The following TATDN1 variants were observed in gnomAD, a reference collection of about 807,000 sequenced individuals.
The protein encoded by TATDN1 is TatD DNase domain containing 1, also known as deoxyribonuclease TATDN1.
A neutral mutation model predicts 46.4 loss-of-function variants in TATDN1; 40 were observed. That is an observed-to-expected ratio of 0.86 (90% CI 0.67 to 1.12). The LOEUF (loss-of-function observed/expected upper bound fraction) is 1.12. TATDN1 is among the 50% of genes most tolerant of loss of function. The pLI, the probability that TATDN1 is intolerant of heterozygous loss-of-function variation, is 0.00. For missense variants in TATDN1, 326 were observed against 348.4 expected, an observed-to-expected ratio of 0.94 and a Z score of 0.51; for synonymous variants, 95 against 105.6, an observed-to-expected ratio of 0.90 and a Z score of 0.62.
intron 1 of TATDN1, among the ~76,000 whole-genome samples, chr8:124,535,090 G>A (rs1821314631): frequency 6.6e-6 from 1 of 152,158 alleles, no homozygotes; most frequent in Non-Finnish European, 1.5e-5. Context: ...GGAGTGGGTG[G>A]GAGGGACTGA....
At chr8:124,519,939 T>A (rs1312441402) in intron 3 of TATDN1, among the ~76,000 whole-genome samples, 1 of 152,238 alleles carries the variant, frequency 6.6e-6, no homozygotes, top group African/African-American at 2.4e-5. Context: ...TATAATGATG[T>A]ATATTTTTGT....
At chr8:124,533,775 T>C (rs1286027231) in intron 1 of TATDN1, among the ~76,000 whole-genome samples, 1 of 151,906 alleles carries the variant, frequency 6.6e-6, no homozygotes, top group Non-Finnish European at 1.5e-5. Flanking sequence ...GTTCAGCCAG[T>C]TTAGGGGGCT....
intron 1 of TATDN1, among the ~76,000 whole-genome samples, chr8:124,532,083 G>A (rs533603107): frequency 6.6e-6 from 1 of 152,154 alleles, no homozygotes; most frequent in East Asian, 1.9e-4. Flanking sequence ...AAGAGCAAGG[G>A]GGGGAGGAGG....
chr8:124,489,156 A>G (rs1816693740), intron 11 of TATDN1: 3 of 156,220 alleles, frequency 1.9e-5, no homozygotes, highest in African/African-American at 7.2e-5. Context: ...GTACTGTGGG[A>G]CAGCAGCCAC....
intron 1 of TATDN1, among the ~76,000 whole-genome samples, chr8:124,532,175 A>G (rs1342675018): frequency 6.6e-6 from 1 of 152,142 alleles, no homozygotes; most frequent in Non-Finnish European, 1.5e-5. Flanking sequence ...TGCATCCACT[A>G]GGTGGTTGCC....
intron 1 of TATDN1, among the ~76,000 whole-genome samples, chr8:124,524,346 T>C (rs533065946): frequency 1.3e-5 from 2 of 152,328 alleles, no homozygotes; most frequent in Admixed American, 1.3e-4. Flanking sequence ...TATTAACATA[T>C]AAACATCATC....
In TATDN1 at chr8:124,522,965, T is replaced by G. The variant is rs1247716737; in HGVS notation, c.60A>C (p.Gly20=). 6.2e-7 allele frequency: 1 copy of G among 1,613,286 alleles called. No individual in the cohort carries two copies. Among genetic ancestry groups the G allele is most frequent in the Non-Finnish European group, 8.5e-7 (1 of 1,179,704 alleles). ...GATGCTTTTGAACCCCCCTATAAAT[T>G]CCTCTGAACATAGGGTCAGTCAAGT... ...GINLTDPMFR[G]IYRGVQKHQD... The change falls in exon 2 of 12, where the codon GGA becomes GGC. Residue 20 remains glycine, a synonymous_variant. Transcript: ENST00000276692.
chr8:124,525,908 CA>C (rs886848364), intron 1 of TATDN1, among the ~76,000 whole-genome samples: 9 of 152,228 alleles, frequency 5.9e-5, no homozygotes, highest in Admixed American at 5.9e-4. Context: ...TAGTGAGAAA[CA>C]AAAACCTTGG....
At chr8:124,538,985 A>T in intron 1 of TATDN1, 40 bp downstream of exon 1, 2 of 1,613,566 alleles carry the variant, frequency 1.2e-6, no homozygotes, top group Admixed American at 3.3e-5. Context: ...GCCCGGGACA[A>T]GTCAGAAAGA....
intron 11 of TATDN1, chr8:124,488,966 T>TA: frequency 2.7e-6 from 1 of 371,490 alleles, no homozygotes; most frequent in South Asian, 2.8e-5. Context: ...TCACCAATTA[T>TA]AGCATTAACT....
rs554778857 is a variant in TATDN1 at position 124,493,902 on chromosome 8, G to A, written c.722C>T (p.Ala241Val). Residue 241 changes from alanine to valine, a missense_variant, in exon 11 of 12, where the codon GCA becomes GTA. Physicochemically the swap from Ala to Val is moderately conservative, Grantham distance 64. Coordinates refer to ENST00000276692, the MANE Select transcript of TATDN1 (RefSeq NM_032026.4). Reference protein sequence around the residue: ...THAGSKYIRTAFPTKKKWESG... With the variant: ...THAGSKYIRTVFPTKKKWESG... ...TTCCCACTTCTTTTTGGTAGGAAAT[G>A]CAGTTCTTATATATTTTGATCCAGC... 7 of 1,612,474 alleles carry A rather than the reference G, an allele frequency of 4.3e-6. No homozygotes were observed. In the South Asian group the frequency reaches 6.6e-5, roughly 15 times the overall value.
chr8:124,495,207 C>T (rs190903894), intron 10 of TATDN1: 14 of 453,598 alleles, frequency 3.1e-5, no homozygotes, highest in African/African-American at 2.2e-4. Context: ...GCTAAGTACT[C>T]GTAACTACAA....
intron 9 of TATDN1, among the ~76,000 whole-genome samples, chr8:124,501,716 C>T (rs1303968632): frequency 2.0e-5 from 3 of 151,588 alleles, no homozygotes; most frequent in African/African-American, 4.9e-5. Context: ...AAAAAGAATA[C>T]GAGTTATCAG....
At chr8:124,502,362 G>A (rs1818048125) in intron 9 of TATDN1, among the ~76,000 whole-genome samples, 2 of 151,470 alleles carry the variant, frequency 1.3e-5, no homozygotes, top group African/African-American at 4.9e-5. Context: ...AAAAAAAGTG[G>A]GGTTCTCTCC....
chr8:124,515,934 G>T lies in TATDN1; in HGVS notation c.299C>A (p.Ala100Asp). Residue 100 changes from alanine to aspartate, a missense_variant, in exon 5 of 12, where the codon GCT becomes GAT. By Grantham distance (126) the Ala-to-Asp change is moderately radical. Coordinates refer to ENST00000276692, the MANE Select transcript of TATDN1 (RefSeq NM_032026.4). ...CACAACTTTCCCTTTATTGTTTTCA[G>T]CAAGATTTAGCAACTCCTTTAAGTA... ...DLYLKELLNLAENNKGKVVAI... is the reference protein window; with the variant it reads ...DLYLKELLNLDENNKGKVVAI... The T allele has an allele frequency of 6.2e-7, 1 of 1,613,968 alleles. No individual in the cohort carries two copies. The highest frequency in any genetic ancestry group is 8.5e-7 in the Non-Finnish European group (1 of 1,179,994).
intron 1 of TATDN1, among the ~76,000 whole-genome samples, chr8:124,528,925 A>G (rs1303116274): frequency 6.6e-6 from 1 of 152,202 alleles, no homozygotes; most frequent in East Asian, 1.9e-4. Flanking sequence ...AGTACAACAA[A>G]GGTCACGAGA....
intron 1 of TATDN1, among the ~76,000 whole-genome samples, chr8:124,535,074 G>C (rs12544211): frequency 0.15 from 23,388 of 152,178 alleles, 2,266 homozygotes; most frequent in Admixed American, 0.24. Flanking sequence ...CCCTTCCCCA[G>C]AAGTGGGAGT....
intron 9 of TATDN1, among the ~76,000 whole-genome samples, chr8:124,498,677 G>GTC (rs1465612063): frequency 6.6e-6 from 1 of 152,074 alleles, no homozygotes; most frequent in Non-Finnish European, 1.5e-5. Flanking sequence ...AACAGACGGA[G>GTC]TCTCTCACTA....
chr8:124,513,634 T>C (rs900709137), intron 6 of TATDN1, among the ~76,000 whole-genome samples: 1 of 152,220 alleles, frequency 6.6e-6, no homozygotes, highest in African/African-American at 2.4e-5. Context: ...AACAGTTAAA[T>C]TAAACTGATA....
Sources: allele counts gnomAD v4.1 joint callset (sites outside exome capture counted in the v4.1 genomes callset), GRCh38; gene constraint gnomAD v4.1.1; transcripts MANE v1.5; gene names NCBI Gene and HGNC (gene_info 2026-07-23, HGNC 2026-07-21).